Variants in SEMA6D observed in about 807,000 individuals in gnomAD.
The protein encoded by SEMA6D is semaphorin 6D, also known as semaphorin-6D.
Under a neutral mutation model 106.6 loss-of-function variants are expected in SEMA6D, and 35 were observed. The ratio of observed to expected loss-of-function variants is 0.33; its 90% CI spans 0.25 to 0.44. The LOEUF (loss-of-function observed/expected upper bound fraction) is 0.44, where lower values mean the gene tolerates loss of function less well. Among genes scored for constraint, SEMA6D ranks in the 20% least tolerant of loss-of-function variants. SEMA6D has a pLI of 1.00. For synonymous variants in SEMA6D, 499 were observed against 487.7 expected (o/e 1.02, Z -0.31); for missense variants, 1,185 against 1,345.9 (o/e 0.88, Z 1.87).
intron 1 of SEMA6D, among the ~76,000 whole-genome samples, chr15:47,346,794 A>C (rs900845963): frequency 1.3e-5 from 2 of 152,134 alleles, no homozygotes; most frequent in Non-Finnish European, 2.9e-5. Context: ...AGAAGTTAAT[A>C]CTGTCAGAGC....
intron 4 of SEMA6D, among the ~76,000 whole-genome samples, chr15:47,703,280 A>G (rs996798350): frequency 1.3e-5 from 2 of 152,220 alleles, no homozygotes; most frequent in Admixed American, 6.5e-5. Flanking sequence ...TTATATTTTT[A>G]TAGGCTATAC....
At chr15:47,616,658 G>A (rs1352685461) in intron 4 of SEMA6D, among the ~76,000 whole-genome samples, 1 of 151,848 alleles carries the variant, frequency 6.6e-6, no homozygotes, top group African/African-American at 2.4e-5. Context: ...TGATGCATCT[G>A]TGAAAGGTTT....
chr15:47,544,604 A>C (rs2045459829), intron 3 of SEMA6D, among the ~76,000 whole-genome samples: 5 of 152,116 alleles, frequency 3.3e-5, no homozygotes, highest in Admixed American at 3.3e-4. Flanking sequence ...GTCATCCAAG[A>C]AGTCCTGGGA....
intron 1 of SEMA6D, among the ~76,000 whole-genome samples, chr15:47,389,555 GTTACGGT>G (rs1243962105): frequency 2.0e-5 from 3 of 152,108 alleles, no homozygotes; most frequent in Non-Finnish European, 4.4e-5. Context: ...AACTATTGAG[GTTACGGT>G]AAAAGATAAA....
chr15:47,254,331 G>GTATA (rs3050479), intron 1 of SEMA6D, among the ~76,000 whole-genome samples: 7,879 of 139,110 alleles, frequency 0.057, 310 homozygotes, highest in Middle Eastern at 0.11. Context: ...GTGTGTGTGT[G>GTATA]TATATATATA....
chr15:47,377,441 G>A (rs754711245), intron 1 of SEMA6D, among the ~76,000 whole-genome samples: 10 of 152,166 alleles, frequency 6.6e-5, no homozygotes, highest in African/African-American at 9.7e-5. Context: ...AGAGGGTAAC[G>A]CTTGGGATCG....
intron 1 of SEMA6D, among the ~76,000 whole-genome samples, chr15:47,273,336 A>G (rs1398287044): frequency 4.6e-5 from 7 of 152,048 alleles, no homozygotes. Flanking sequence ...CTCTTCCCCA[A>G]CAACATTAAT....
intron 2 of SEMA6D, among the ~76,000 whole-genome samples, chr15:47,460,704 T>G (rs2042481137): frequency 6.6e-6 from 1 of 152,070 alleles, no homozygotes; most frequent in South Asian, 2.1e-4. Flanking sequence ...TTGCAAAAAT[T>G]TCCTAATTTT....
At chr15:47,379,689 G>T (rs2039572155) in intron 1 of SEMA6D, among the ~76,000 whole-genome samples, 1 of 152,158 alleles carries the variant, frequency 6.6e-6, no homozygotes. Context: ...GAGAGAAATA[G>T]TCTTCACATG....
chr15:47,551,710 C>T (rs192740489), intron 3 of SEMA6D, among the ~76,000 whole-genome samples: 168 of 12,950 alleles, frequency 0.013, no homozygotes, highest in Non-Finnish European at 0.024. Flanking sequence ...TCCCCTTATG[C>T]ACCTGCATTT....
chr15:47,626,185 G>C (rs1172845540), intron 4 of SEMA6D, among the ~76,000 whole-genome samples: 2 of 152,200 alleles, frequency 1.3e-5, no homozygotes, highest in African/African-American at 2.4e-5. Flanking sequence ...CCTAAGAGTT[G>C]TGAGATGTGC....
rs138558154 is a variant in SEMA6D at position 47,425,007 on chromosome 15, G to A, written c.-159+12535G>A. ...ATGGTCTGGGACAAGGTTCCTCTGA[G>A]CTCTGGAGGTGATGGCAACCAGTTT... On this transcript the variant is annotated intron_variant, in intron 2 of 19. Coordinates refer to the SEMA6D transcript ENST00000558014. 3.7e-4 allele frequency among the ~76,000 whole-genome samples: 57 copies of A among 152,166 alleles called. 1 individual carries two copies. The East Asian group carries it at 9.1e-3, about 24-fold the overall frequency.
intron 3 of SEMA6D, among the ~76,000 whole-genome samples, chr15:47,514,349 T>C (rs779478791): frequency 3.9e-5 from 6 of 152,198 alleles, no homozygotes; most frequent in Non-Finnish European, 7.3e-5. Flanking sequence ...AAATATCTTA[T>C]GTCAACCACT....
chr15:47,364,983 G>A (rs2038958744), intron 1 of SEMA6D, among the ~76,000 whole-genome samples: 1 of 152,176 alleles, frequency 6.6e-6, no homozygotes, highest in African/African-American at 2.4e-5. Context: ...TATCTCCACA[G>A]CATCCATCAA....
chr15:47,762,453 T>C (rs2082112507), intron 8 of SEMA6D, 134 bp downstream of exon 8: 1 of 997,152 alleles, frequency 1.0e-6, no homozygotes, highest in Non-Finnish European at 1.5e-6. Flanking sequence ...ACTGCTTTGA[T>C]TGTGAACAGG....
chr15:47,318,347 A>G (rs1273033616), intron 1 of SEMA6D, among the ~76,000 whole-genome samples: 2 of 140,382 alleles, frequency 1.4e-5, no homozygotes, highest in Non-Finnish European at 3.1e-5. Context: ...TACATGTGCC[A>G]TGCTGGTGTG....
At chr15:47,720,261 C>CTTTT (rs869122623) in intron 1 of SEMA6D, among the ~76,000 whole-genome samples, 477 of 95,256 alleles carry the variant, frequency 5.0e-3, no homozygotes, top group Middle Eastern at 9.8e-3. Flanking sequence ...AATAACCTTT[C>CTTTT]TTTTTTTTTT....
At chr15:47,682,409 C>T (rs531730262) in intron 4 of SEMA6D, among the ~76,000 whole-genome samples, 84 of 152,198 alleles carry the variant, frequency 5.5e-4, no homozygotes, top group Admixed American at 1.3e-3. Context: ...CCTCATGATC[C>T]GCCCCCCTCG....
chr15:47,404,030 G>C (rs964248141), intron 1 of SEMA6D, among the ~76,000 whole-genome samples: 1 of 152,184 alleles, frequency 6.6e-6, no homozygotes, highest in Non-Finnish European at 1.5e-5. Context: ...GTGTTCTAGA[G>C]AAGTAATTGT....
Sources: gnomAD v4.1 joint callset for allele counts (sites outside exome capture counted in the v4.1 genomes callset) on GRCh38, gnomAD v4.1.1 for gene constraint, MANE v1.5 for transcripts, NCBI Gene and HGNC (gene_info 2026-07-23, HGNC 2026-07-21) for gene names.